The following SLC25A42 variants were observed in gnomAD, a reference collection of about 807,000 sequenced individuals.
SLC25A42 encodes the protein mitochondrial coenzyme A transporter SLC25A42.
Under a neutral mutation model 34.7 loss-of-function variants are expected in SLC25A42, and 19 were observed. The ratio of observed to expected loss-of-function variants is 0.55; its 90% CI spans 0.38 to 0.80. SLC25A42 has a LOEUF of 0.80. Ranked by LOEUF, SLC25A42 falls within the 30% of genes least tolerant of loss-of-function variation. The pLI is 0.00. For missense variants in SLC25A42, 364 were observed against 441.3 expected, an observed-to-expected ratio of 0.82 and a Z score of 1.57; for synonymous variants, 205 against 191.2, an observed-to-expected ratio of 1.07 and a Z score of -0.59.
chr19:19,096,063 A>G (rs2059763129), intron 1 of SLC25A42, 28 bp from the exon 2 acceptor site: 1 of 1,447,824 alleles, frequency 6.9e-7, no homozygotes, highest in Middle Eastern at 1.7e-4. Flanking sequence ...ATCTCGCCGT[A>G]TCTTACCACC....
intron 1 of SLC25A42, among the ~76,000 whole-genome samples, chr19:19,082,601 G>A (rs1408243405): frequency 6.6e-6 from 1 of 151,714 alleles, no homozygotes; most frequent in Non-Finnish European, 1.5e-5. Context: ...GACCTCAATT[G>A]ATCCACCTGC....
At chr19:19,101,948 GC>G in intron 3 of SLC25A42, 62 bp downstream of exon 3, 1 of 1,079,274 alleles carries the variant, frequency 9.3e-7, no homozygotes, top group Non-Finnish European at 1.4e-6. Flanking sequence ...CTCCTTCATG[GC>G]CCCCAAACCA....
At position 19,110,584 on chromosome 19, in the gene SLC25A42, G is replaced by C. The variant is rs1239069686; in HGVS notation, c.665G>C (p.Arg222Pro). 9.7e-6 allele frequency: 14 copies of C among 1,437,456 alleles called. No individual in the cohort carries two copies. The East Asian group carries it at 1.6e-4, about 17-fold the overall frequency. 89.0% of individuals were successfully genotyped at this position (1,437,456 alleles called of 1,614,324 possible). Residue 222 changes from arginine (R) to proline (P), a missense_variant, in exon 8 of 8, where the codon CGG (arginine) becomes CCG (proline). Physicochemically the swap from Arg to Pro is moderately radical, Grantham distance 103 (BLOSUM62 -2). Transcript: ENST00000318596. ...KSLHREYSGR[R>P]QPYPFERMIF... ...CGCCCTGCAGAGTACAGCGGCCGCC[G>C]GCAGCCCTACCCCTTCGAGCGCATG...
chr19:19,101,543 C>T (rs1001025744), intron 2 of SLC25A42, among the ~76,000 whole-genome samples: 1 of 152,200 alleles, frequency 6.6e-6, no homozygotes, highest in African/African-American at 2.4e-5. Flanking sequence ...ACCTGCACAC[C>T]TCACCTCCAA....
In SLC25A42 at chr19:19,104,765, C is replaced by T. The variant is rs149222443; in HGVS notation, c.188-148C>T. 1.4e-4 allele frequency: 115 copies of T among 839,490 alleles called. No homozygotes were observed. In the East Asian group the frequency reaches 3.0e-3, roughly 22 times the overall value. The allele number at this position is 839,490 out of a possible 1,614,324, so 52.0% of individuals were successfully genotyped here. A position where few individuals can be genotyped will look rare whatever the true frequency, so the allele number is the denominator to read the frequency against. ...AATGGAGACCCTCACTATTCTGGGGCTTGGGTGTCAGCTCAGCTCCCATTC... is the reference window on the plus strand; with the variant it reads ...AATGGAGACCCTCACTATTCTGGGGTTTGGGTGTCAGCTCAGCTCCCATTC... On this transcript the variant is annotated intron_variant, in intron 3 of 7. Coordinates refer to ENST00000318596, the MANE Select transcript of SLC25A42 (RefSeq NM_178526.5).
At position 19,109,846 on chromosome 19, in the gene SLC25A42, C is replaced by T. The variant is rs533495952; in HGVS notation, c.650-723C>T. 6.6e-6 allele frequency among the ~76,000 whole-genome samples: 1 copy of T among 152,288 alleles called. No homozygotes were observed. Among genetic ancestry groups the T allele is most frequent in the African/African-American group, 2.4e-5 (1 of 41,546 alleles). On this transcript the variant is annotated intron_variant, in intron 7 of 7. Transcript: ENST00000318596. The surrounding 1 kb of genome is among the most constrained non-coding windows in gnomAD (Gnocchi z 4.1). ...CACCCACACACCCCGTTTAGACCCGCAAGACAGAGCAGGGTGAAGTTCATG... is the reference window on the plus strand; with the variant it reads ...CACCCACACACCCCGTTTAGACCCGTAAGACAGAGCAGGGTGAAGTTCATG...
chr19:19,107,814 G>T (rs2059840323), intron 6 of SLC25A42, 80 bp from the exon 7 acceptor site: 3 of 1,516,880 alleles, frequency 2.0e-6, no homozygotes, highest in Non-Finnish European at 2.7e-6. Context: ...CCGGCTTCGG[G>T]AGGAGCCGAG....
At chr19:19,079,344 C>T (rs2059670202) in intron 1 of SLC25A42, among the ~76,000 whole-genome samples, 1 of 152,130 alleles carries the variant, frequency 6.6e-6, no homozygotes, top group African/African-American at 2.4e-5. Flanking sequence ...GTGTGAGCCA[C>T]CACACCTGGC....
At chr19:19,095,859 G>C in intron 1 of SLC25A42, 1 of 558,854 alleles carries the variant, frequency 1.8e-6, no homozygotes, top group Admixed American at 2.4e-5. Context: ...TTGCTCCCTG[G>C]GCACCAGATT....
chr19:19,102,272 G>A (rs905701340), intron 3 of SLC25A42, among the ~76,000 whole-genome samples: 32 of 151,904 alleles, frequency 2.1e-4, no homozygotes, highest in African/African-American at 7.2e-4. Context: ...GCCTCCCAAA[G>A]TGCTGGGATT....
At chr19:19,095,032 T>TAAAAATAA (rs1467541142) in intron 1 of SLC25A42, among the ~76,000 whole-genome samples, 3 of 151,694 alleles carry the variant, frequency 2.0e-5, no homozygotes, top group African/African-American at 7.3e-5. Context: ...CTAGCTCTAC[T>TAAAAATAA]AAAAATAAAA....
chr19:19,107,064 T>C (rs982522805), intron 6 of SLC25A42: 1 of 150,890 alleles, frequency 6.6e-6, no homozygotes, highest in African/African-American at 2.5e-5. Context: ...ATGCCTGTAA[T>C]CCCAGCACTT....
At chr19:19,074,972 A>G (rs1004913991) in intron 1 of SLC25A42, among the ~76,000 whole-genome samples, 2 of 151,930 alleles carry the variant, frequency 1.3e-5, no homozygotes, top group Admixed American at 1.3e-4. Flanking sequence ...GCAGCGTAGC[A>G]AGACCCCGTC....
chr19:19,106,295 TC>T lies in SLC25A42; in HGVS notation c.408del (p.Phe136LeufsTer13). ...GCCCTGCCCCCTTGGCCTCGCCTCT[TC>T]GCCGGCGCACTGGCTGGAACGACAG... ...GEALPPWPRL[F>X]AGALAGTTAA... is the part of the protein sequence containing the mutation. On this transcript the variant is annotated frameshift_variant, in exon 6 of 8. Transcript: ENST00000318596. LOFTEE classifies it high-confidence loss of function. The T allele has an allele frequency of 1.2e-6, 2 of 1,612,996 alleles. No individual in the cohort carries two copies. The highest frequency in any genetic ancestry group is 1.7e-6 in the Non-Finnish European group (2 of 1,179,960).
At position 19,111,005 on chromosome 19, in the gene SLC25A42, G is replaced by A. The variant is rs2059861989; in HGVS notation, c.*129G>A. On this transcript the variant is annotated 3_prime_UTR_variant, in exon 8 of 8. Transcript: ENST00000318596. ...GGGGCGCTTTATGGAACGAGCAGGTGGGCCTGAGGGGCCTGGGCTCAGAGT... is the reference window on the plus strand; with the variant it reads ...GGGGCGCTTTATGGAACGAGCAGGTAGGCCTGAGGGGCCTGGGCTCAGAGT... 3 of 1,003,404 alleles carry A rather than the reference G, an allele frequency of 3.0e-6. No individual in the cohort carries two copies. In the African/African-American group the frequency reaches 4.9e-5, roughly 17 times the overall value. 62.2% of individuals were successfully genotyped at this position (1,003,404 alleles called of 1,614,324 possible). A position where few individuals can be genotyped will look rare whatever the true frequency, so the allele number is the denominator to read the frequency against.
intron 1 of SLC25A42, among the ~76,000 whole-genome samples, chr19:19,074,305 C>T (rs1455010947): frequency 3.3e-5 from 5 of 152,164 alleles, no homozygotes; most frequent in South Asian, 2.1e-4. Flanking sequence ...AGGCAGCCTG[C>T]GGGGTTGGGG....
In SLC25A42 at chr19:19,081,916, C is replaced by T. The variant is rs1568511177; in HGVS notation, c.-34-14175C>T. On this transcript the variant is annotated intron_variant, in intron 1 of 7. Coordinates refer to ENST00000318596, the MANE Select transcript of SLC25A42 (RefSeq NM_178526.5). The surrounding 1 kb of genome is among the most constrained non-coding windows in gnomAD (Gnocchi z 4.5). ...CTCTGCCATGCCTTGGACACTGCCC[C>T]TCAGGGAGGCCGACCTGATCACCTG... 6.6e-6 allele frequency among the ~76,000 whole-genome samples: 1 copy of T among 152,236 alleles called. No homozygotes were observed.
intron 2 of SLC25A42, 49 bp downstream of exon 2, chr19:19,096,254 T>TGGCCCCCC: frequency 3.4e-6 from 5 of 1,456,690 alleles, no homozygotes; most frequent in East Asian, 2.4e-5. Context: ...GGCCCCAGCC[T>TGGCCCCCC]CCCCACCCCC....
chr19:19,078,595 G>GCAGCAAGCACA, intron 1 of SLC25A42, among the ~76,000 whole-genome samples: 1 of 152,204 alleles, frequency 6.6e-6, no homozygotes, highest in East Asian at 1.9e-4. Flanking sequence ...CAGCAAGCAT[G>GCAGCAAGCACA]CAGCAAGCAC....
Sources: gnomAD v4.1 joint callset for allele counts (sites outside exome capture counted in the v4.1 genomes callset) on GRCh38, gnomAD v4.1.1 for gene constraint, Gnocchi (gnomAD v3.1) non-coding constraint, MANE v1.5 for transcripts, NCBI Gene and HGNC (gene_info 2026-07-23, HGNC 2026-07-21) for gene names.